Variants in AASDH observed in about 807,000 individuals in gnomAD.
AASDH encodes the protein aminoadipate-semialdehyde dehydrogenase, also known as beta-alanine-activating enzyme.
AASDH carries 81 observed loss-of-function variants against 102.3 expected under a neutral mutation model. That is an observed-to-expected ratio of 0.79 (90% confidence interval 0.66 to 0.95). The LOEUF (loss-of-function observed/expected upper bound fraction) is 0.95, where lower values mean the gene tolerates loss of function less well. Among genes scored for constraint, AASDH ranks in the 40% least tolerant of loss-of-function variants. The pLI, the probability that AASDH is intolerant of heterozygous loss-of-function variation, is 0.00. For missense variants in AASDH, 1,203 were observed against 1,266.2 expected, an observed-to-expected ratio of 0.95 and a Z score of 0.76; for synonymous variants, 398 against 454.0, an observed-to-expected ratio of 0.88 and a Z score of 1.57.
At chr4:56,344,491 C>CT (rs1649796753) in intron 12 of AASDH, among the ~76,000 whole-genome samples, 1 of 151,930 alleles carries the variant, frequency 6.6e-6, no homozygotes, top group South Asian at 2.1e-4. Flanking sequence ...CTACATTTGT[C>CT]TTATTAATTT....
chr4:56,381,445 G>A (rs1255931988), intron 3 of AASDH, among the ~76,000 whole-genome samples: 1 of 151,926 alleles, frequency 6.6e-6, no homozygotes, highest in Non-Finnish European at 1.5e-5. Flanking sequence ...GGGTGTGGTG[G>A]CATGCACCTG....
intron 6 of AASDH, 42 bp from the exon 7 acceptor site, chr4:56,354,853 TGAATA>T (rs1272281570): frequency 6.9e-7 from 1 of 1,447,154 alleles, no homozygotes; most frequent in Non-Finnish European, 9.5e-7. Flanking sequence ...ATTTTTCATT[TGAATA>T]GAATATTTTC....
Position 56,338,769 on chromosome 4 carries a change from C to G in AASDH, c.2930G>C (p.Gly977Ala), listed in dbSNP as rs758198512. Residue 977 changes from glycine to alanine, a missense_variant, in exon 15 of 15, where the codon GGA becomes GCA. Gly to Ala is a moderately conservative substitution (Grantham distance 60). Coordinates refer to ENST00000205214, the MANE Select transcript of AASDH (RefSeq NM_181806.4). ...GGTACACGGGGATGAAAAGATTGGTCCACTGGTAGAGAACTGCCAAACCTA... is the reference window on the plus strand; with the variant it reads ...GGTACACGGGGATGAAAAGATTGGTGCACTGGTAGAGAACTGCCAAACCTA... ...GEQVWQFSTS[G>A]PIFSSPCTSP... is the part of the protein sequence containing the mutation. 8.7e-6 allele frequency: 14 copies of G among 1,613,902 alleles called. No individual in the cohort carries two copies. The highest frequency in any genetic ancestry group is 1.7e-5 in the Admixed American group (1 of 59,988).
chr4:56,362,232 T>C (rs767207969), intron 5 of AASDH, among the ~76,000 whole-genome samples: 1 of 152,076 alleles, frequency 6.6e-6, no homozygotes. Context: ...TCCAAAGCTT[T>C]AGTAGTATGT....
chr4:56,375,516 A>G (rs1355154118), intron 4 of AASDH, among the ~76,000 whole-genome samples: 1 of 152,226 alleles, frequency 6.6e-6, no homozygotes, highest in African/African-American at 2.4e-5. Context: ...AATTGAATGA[A>G]GTTGAAGCAC....
At chr4:56,367,970 C>A (rs1189251481) in intron 5 of AASDH, among the ~76,000 whole-genome samples, 2 of 152,114 alleles carry the variant, frequency 1.3e-5, no homozygotes, top group African/African-American at 4.8e-5. Flanking sequence ...ACCTACTCAT[C>A]TGACAAAGGG....
At chr4:56,347,092 T>G (rs1170759950) in intron 11 of AASDH, among the ~76,000 whole-genome samples, 1 of 148,766 alleles carries the variant, frequency 6.7e-6, no homozygotes, top group Non-Finnish European at 1.5e-5. Context: ...GAAAGGCAAA[T>G]TAAAACCACA....
intron 5 of AASDH, among the ~76,000 whole-genome samples, chr4:56,368,699 C>A (rs1415513220): frequency 2.3e-5 from 3 of 130,228 alleles, no homozygotes; most frequent in Admixed American, 8.9e-5. Flanking sequence ...AAGGGGAACA[C>A]CACACACTGG....
At position 56,378,295 on chromosome 4, in the gene AASDH, T is replaced by G; in HGVS notation, c.521A>C (p.His174Pro). ...KEKIKSISSE[H>P]VNEEKAEEHM... ...TTCTTCTGCTTTTTCTTCATTGACA[T>G]GCTCAGAACTTATGCTTTTTATTTT... The change falls in exon 4 of 15, where the codon CAT (histidine) becomes CCT (proline). Residue 174 changes from histidine to proline, a missense_variant. Transcript: ENST00000205214. 6.2e-7 allele frequency: 1 copy of G among 1,614,236 alleles called. No homozygotes were observed. The highest frequency in any genetic ancestry group is 8.5e-7 in the Non-Finnish European group (1 of 1,180,050).
In AASDH at chr4:56,378,220, G is replaced by A. The variant is rs1036419880; in HGVS notation, c.596C>T (p.Ser199Leu). 1.2e-6 allele frequency: 2 copies of A among 1,614,162 alleles called. No homozygotes were observed. Among genetic ancestry groups the A allele is most frequent in the South Asian group, 2.2e-5 (2 of 91,058 alleles). Residue 199 changes from serine (S) to leucine (L), a missense_variant, in exon 4 of 15, where the codon TCA becomes TTA. Coordinates refer to ENST00000205214, the MANE Select transcript of AASDH (RefSeq NM_181806.4). ...AATCTTCGGTATCCCTGTAGTCCCT[G>A]ATGTATGTAGAACATAGGCTAAGCA... ...KHCLAYVLHT[S>L]GTTGIPKIVR...
chr4:56,383,704 T>C (rs1423355742), intron 2 of AASDH, among the ~76,000 whole-genome samples: 1 of 152,212 alleles, frequency 6.6e-6, no homozygotes, highest in Non-Finnish European at 1.5e-5. Context: ...GCCTCAAATT[T>C]CAGTTGCGGA....
In AASDH at chr4:56,375,861, C is replaced by A. The variant is rs1393093587; in HGVS notation, c.668+2287G>T. Among the ~76,000 whole-genome samples, 3 of 152,136 alleles carry A rather than the reference C, an allele frequency of 2.0e-5. No homozygotes were observed. In the East Asian group the frequency reaches 5.8e-4, roughly 29 times the overall value. On this transcript the variant is annotated intron_variant, in intron 4 of 14. Transcript: ENST00000205214. ...TGAGGCTATCAAAAAAAGAGGTATT[C>A]CACTCAGTATTTTAAATAATGCCAT...
At chr4:56,350,089 C>T (rs750782725) in intron 10 of AASDH, 31 bp from the exon 11 acceptor site, 40 of 1,509,130 alleles carry the variant, frequency 2.7e-5, no homozygotes, top group South Asian at 7.7e-5. Flanking sequence ...AAATATGTGA[C>T]GTAAAGGTCT....
intron 2 of AASDH, among the ~76,000 whole-genome samples, chr4:56,383,450 A>G (rs1457059820): frequency 2.6e-5 from 4 of 152,126 alleles, no homozygotes; most frequent in Non-Finnish European, 5.9e-5. Context: ...TTTGCTTTAT[A>G]TTTATATAAT....
intron 3 of AASDH, 59 bp from the exon 4 acceptor site, chr4:56,378,523 A>G: frequency 2.3e-6 from 3 of 1,328,284 alleles, no homozygotes; most frequent in Non-Finnish European, 3.1e-6. Context: ...ATTCTTCTTT[A>G]TATAGAAGTA....
At position 56,342,907 on chromosome 4, in the gene AASDH, T is replaced by C. The variant is rs142302342; in HGVS notation, c.2835A>G (p.Gln945=). Residue 945 remains glutamine (Q), a synonymous_variant, in exon 14 of 15, where the codon CAA becomes CAG. Transcript: ENST00000205214. ...SCGKPLFSSP[Q]CCSQYICIGC... is the part of the protein sequence containing the mutation. ...CAATACAAATATACTGTGAGCAACA[T>C]TGTGGGGAAGAGAAGAGTGGTTTTC... The C allele has an allele frequency of 1.5e-5, 24 of 1,595,124 alleles. No individual in the cohort carries two copies. Among genetic ancestry groups the C allele is most frequent in the Admixed American group, 1.1e-4 (6 of 57,052 alleles).
At chr4:56,345,412 A>C in intron 11 of AASDH, 122 bp from the exon 12 acceptor site, 16 of 897,376 alleles carry the variant, frequency 1.8e-5, no homozygotes, top group East Asian at 2.7e-5. Context: ...TGATAAGCTC[A>C]TCTGGCTTAC....
intron 5 of AASDH, among the ~76,000 whole-genome samples, chr4:56,366,045 C>T (rs897886879): frequency 6.6e-5 from 10 of 152,102 alleles, no homozygotes; most frequent in African/African-American, 2.4e-4. Context: ...GATATCACCA[C>T]CGATCCCACA....
chr4:56,339,332 A>AGAT (rs1203289132), intron 14 of AASDH, among the ~76,000 whole-genome samples: 1 of 151,550 alleles, frequency 6.6e-6, no homozygotes, highest in Admixed American at 6.6e-5. Context: ...TTTTTAGTAG[A>AGAT]GATGAGGTTT....
Sources: gnomAD v4.1 joint callset for allele counts (sites outside exome capture counted in the v4.1 genomes callset) on GRCh38, gnomAD v4.1.1 for gene constraint, MANE v1.5 for transcripts, NCBI Gene and HGNC (gene_info 2026-07-23, HGNC 2026-07-21) for gene names.